Variants in TMEM231 observed in about 807,000 individuals in gnomAD.
TMEM231 encodes the protein transmembrane protein 231.
A neutral mutation model predicts 38.5 loss-of-function variants in TMEM231; 40 were observed. That is an observed-to-expected ratio of 1.04 (90% CI 0.81 to 1.35). TMEM231 has a LOEUF of 1.35. Among genes scored for constraint, TMEM231 ranks in the 40% most tolerant of loss-of-function variants. TMEM231 has a pLI of 0.00. For synonymous variants in TMEM231, 199 were observed against 181.7 expected, an observed-to-expected ratio of 1.10 and a Z score of -0.77; for missense variants, 420 against 416.9, an observed-to-expected ratio of 1.01 and a Z score of -0.07.
chr16:75,552,367 C>T (rs1408237486), intron 2 of TMEM231, among the ~76,000 whole-genome samples: 1 of 152,102 alleles, frequency 6.6e-6, no homozygotes, highest in African/African-American at 2.4e-5. Context: ...GCAGGAGAAT[C>T]TCTTGAACCT....
chr16:75,543,137 G>T (rs1379233641), intron 4 of TMEM231, among the ~76,000 whole-genome samples: 1 of 151,818 alleles, frequency 6.6e-6, no homozygotes, highest in Non-Finnish European at 1.5e-5. Flanking sequence ...CAATCCCAGT[G>T]ACTTGGGAGG....
chr16:75,545,493 C>T lies in TMEM231; in HGVS notation c.441G>A (p.Arg147=), dbSNP rs1716349507. 6.4e-7 allele frequency: 1 copy of T among 1,550,802 alleles called. No homozygotes were observed. The highest frequency in any genetic ancestry group is 2.3e-5 in the East Asian group (1 of 43,666). ...TGCTCTGCATCACGAGGGTCGCCAT[C>T]CTCTGAAATCATTAGAAGGACCAAC... The part of the protein sequence containing the change: ...LILTFSYRLH[R]MATLVMQSMA... The change falls in exon 4 of 7, where the codon AGG becomes AGA. Residue 147 remains arginine (R), a splice_region_variant and synonymous_variant. Transcript: ENST00000258173.
At chr16:75,546,099 A>ACAGG in intron 2 of TMEM231, 145 bp from the exon 3 acceptor site, 5 of 1,542,556 alleles carry the variant, frequency 3.2e-6, no homozygotes, top group African/African-American at 2.7e-5. Context: ...AAGCAGATAG[A>ACAGG]TGTAAGTGCA....
rs1029569443 is a variant in TMEM231 at position 75,538,434 on chromosome 16, G to A, written c.*1560C>T. On this transcript the variant is annotated 3_prime_UTR_variant, in exon 7 of 7. Transcript: ENST00000258173. The stretch of plus-strand genomic sequence containing the variant: ...TCTTGTCATCTTTCCATATCTCATT[G>A]CCTTATGTGAATTTAAACAAGAAAC... 1.3e-5 allele frequency: 2 copies of A among 152,036 alleles called. No individual in the cohort carries two copies. Among genetic ancestry groups the A allele is most frequent in the African/African-American group, 4.8e-5 (2 of 41,376 alleles). The allele number at this position is 152,036 out of a possible 1,614,324, so 9.4% of individuals were successfully genotyped here.
At chr16:75,544,051 G>T (rs1222715503) in intron 4 of TMEM231, among the ~76,000 whole-genome samples, 1 of 152,234 alleles carries the variant, frequency 6.6e-6, no homozygotes, top group Non-Finnish European at 1.5e-5. Context: ...TATCTTTCAA[G>T]ATTTGAGCCT....
intron 4 of TMEM231, among the ~76,000 whole-genome samples, chr16:75,544,558 G>C (rs898756554): frequency 3.9e-5 from 6 of 152,166 alleles, no homozygotes; most frequent in African/African-American, 1.2e-4. Flanking sequence ...CTCAGAGGTT[G>C]CCATGATGAT....
chr16:75,541,365 G>A lies in TMEM231; in HGVS notation c.755C>T (p.Pro252Leu), dbSNP rs1230743826. Residue 252 changes from proline (P) to leucine (L), a missense_variant, in exon 6 of 7, where the codon CCT becomes CTT. Coordinates refer to ENST00000258173, the MANE Select transcript of TMEM231 (RefSeq NM_001077418.3). ...GAAAGGATATGAAATGACTTCCACA[G>A]GGTATCGGATGATAGCATTAATCAC... ...PFVINAIIRY[P>L]VEVISYQPGF... The A allele has an allele frequency of 1.2e-6, 2 of 1,609,666 alleles. No individual in the cohort carries two copies. Among genetic ancestry groups the A allele is most frequent in the Non-Finnish European group, 1.7e-6 (2 of 1,177,386 alleles).
At chr16:75,553,080 G>A (rs2151707927) in intron 2 of TMEM231, among the ~76,000 whole-genome samples, 1 of 152,314 alleles carries the variant, frequency 6.6e-6, no homozygotes, top group East Asian at 1.9e-4. Context: ...GACCAAAGCA[G>A]AAGCAAGGCT....
chr16:75,552,168 A>T (rs1451118273), intron 2 of TMEM231, among the ~76,000 whole-genome samples: 1 of 151,904 alleles, frequency 6.6e-6, no homozygotes, highest in East Asian at 1.9e-4. Context: ...AAAAACAAAA[A>T]TTCAGCTGGG....
chr16:75,540,410 G>C (rs2080610037), intron 6 of TMEM231, among the ~76,000 whole-genome samples: 1 of 152,204 alleles, frequency 6.6e-6, no homozygotes, highest in South Asian at 2.1e-4. Flanking sequence ...TGCCAAACTA[G>C]ATTGATCATG....
chr16:75,550,280 C>A (rs2080743170), intron 2 of TMEM231, among the ~76,000 whole-genome samples: 1 of 152,196 alleles, frequency 6.6e-6, no homozygotes, highest in Admixed American at 6.5e-5. Context: ...CTAGAGGGAA[C>A]CTTGAAGCCG....
At chr16:75,541,531 T>C (rs892145608) in intron 5 of TMEM231, 76 bp from the exon 6 acceptor site, 6 of 862,490 alleles carry the variant, frequency 7.0e-6, no homozygotes, top group Middle Eastern at 4.8e-4. Context: ...GATTATTTGA[T>C]ACCTGGAAAT....
chr16:75,545,938 C>A lies in TMEM231; in HGVS notation c.326G>T (p.Arg109Met). 3.9e-6 allele frequency: 6 copies of A among 1,528,434 alleles called. No individual in the cohort carries two copies. Among genetic ancestry groups the A allele is most frequent in the Non-Finnish European group, 5.3e-6 (6 of 1,136,006 alleles). 94.7% of individuals were successfully genotyped at this position (1,528,434 alleles called of 1,614,324 possible). Residue 109 changes from arginine to methionine, a missense_variant, in exon 3 of 7, where the codon AGG becomes ATG. By Grantham distance (91) the Arg-to-Met change is moderately conservative (BLOSUM62 -1). Transcript: ENST00000258173. ...CATGTCCGTCTTCCCATCCTGGTTC[C>A]TGTCTTCTTCTCTAGTCTAGGAAAC... ...VPLVSTREED[R>M]NQDGKTDMLH...
Position 75,538,910 on chromosome 16 carries a change from C to T in TMEM231, c.*1084G>A, listed in dbSNP as rs2080589397. The stretch of plus-strand genomic sequence containing the variant: ...GACTGCTTGGTATTCTGCTAGTGGC[C>T]AGGCTGGACTGGCCTGCCCAGGCCA... On this transcript the variant is annotated 3_prime_UTR_variant, in exon 7 of 7. Coordinates refer to ENST00000258173, the MANE Select transcript of TMEM231 (RefSeq NM_001077418.3). 6.6e-6 allele frequency: 1 copy of T among 152,216 alleles called. No individual in the cohort carries two copies. Among genetic ancestry groups the T allele is most frequent in the Non-Finnish European group, 1.5e-5 (1 of 68,060 alleles). 9.4% of individuals were successfully genotyped at this position (152,216 alleles called of 1,614,324 possible). A position where few individuals can be genotyped will look rare whatever the true frequency, so the allele number is the denominator to read the frequency against.
rs746025189 is a variant in TMEM231, at chr16:75,541,393, A to G, written c.727T>C (p.Phe243Leu). 8.7e-6 allele frequency: 14 copies of G among 1,612,120 alleles called. No homozygotes were observed. Among genetic ancestry groups the G allele is most frequent in the African/African-American group, 2.7e-5 (2 of 74,830 alleles). ...TATCGGATGATAGCATTAATCACAA[A>G]TGGAGCATCTGCGGCCCTGCCCACC... ...WLVGRAADAPFVINAIIRYPV... is the reference protein window; with the variant it reads ...WLVGRAADAPLVINAIIRYPV... The change falls in exon 6 of 7, where the codon TTT becomes CTT. Residue 243 changes from phenylalanine (F) to leucine (L), a missense_variant. Coordinates refer to ENST00000258173, the MANE Select transcript of TMEM231 (RefSeq NM_001077418.3).
intron 4 of TMEM231, 124 bp downstream of exon 4, chr16:75,545,228 G>A: frequency 2.9e-6 from 4 of 1,363,524 alleles, no homozygotes; most frequent in African/African-American, 1.5e-5. Context: ...CCAAAGTGCT[G>A]GGATTACAGG....
chr16:75,546,121 G>A, intron 2 of TMEM231, 167 bp from the exon 3 acceptor site: 1 of 1,535,976 alleles, frequency 6.5e-7, no homozygotes, highest in East Asian at 2.5e-5. Flanking sequence ...TAATACTGGG[G>A]AGAGACACAA....
intron 2 of TMEM231, among the ~76,000 whole-genome samples, chr16:75,547,147 C>T (rs138466408): frequency 2.6e-5 from 4 of 152,206 alleles, no homozygotes; most frequent in Non-Finnish European, 4.4e-5. Flanking sequence ...GATCTTTTTG[C>T]TACAACTGAT....
intron 2 of TMEM231, among the ~76,000 whole-genome samples, chr16:75,548,859 C>T (rs190473636): frequency 9.2e-4 from 140 of 152,282 alleles, no homozygotes; most frequent in African/African-American, 3.0e-3. Flanking sequence ...CAGAGCAAGA[C>T]TCTATCTCAA....
Sources: gnomAD v4.1 joint callset for allele counts (sites outside exome capture counted in the v4.1 genomes callset) on GRCh38, gnomAD v4.1.1 for gene constraint, MANE v1.5 for transcripts, NCBI Gene and HGNC (gene_info 2026-07-23, HGNC 2026-07-21) for gene names.